The following ABCC6 variants were observed in gnomAD, a reference collection of about 807,000 sequenced individuals.
ABCC6 encodes ATP-binding cassette sub-family C member 6.
In ABCC6, 126 loss-of-function variants were observed where a neutral mutation model predicts 169.5. That is an observed-to-expected ratio of 0.74 (90% CI 0.64 to 0.86). ABCC6 has a LOEUF of 0.86. Ranked by LOEUF, ABCC6 falls within the 40% of genes least tolerant of loss-of-function variation. ABCC6 has a pLI of 0.00. For missense variants in ABCC6, 1,733 were observed against 1,927.2 expected, an observed-to-expected ratio of 0.90 and a Z score of 1.89; for synonymous variants, 752 against 814.7, an observed-to-expected ratio of 0.92 and a Z score of 1.31.
rs2239322 is a variant in ABCC6 at position 16,190,408 on chromosome 16, T to C, written c.1432-41A>G. On this transcript the variant is annotated intron_variant, in intron 11 of 30. Transcript: ENST00000205557. ...AAAAGAGAGATGAAGACAGGGACAGTTGAGAACTCTTCCCTGCACCCTGAC... is the reference window on the plus strand; with the variant it reads ...AAAAGAGAGATGAAGACAGGGACAGCTGAGAACTCTTCCCTGCACCCTGAC... 496,542 of 1,607,170 alleles carry C rather than the reference T, an allele frequency of 0.31. 82,622 individuals carry two copies. The highest frequency in any genetic ancestry group is 0.53 in the South Asian group (48,245 of 90,914).
intron 20 of ABCC6, 27 bp downstream of exon 20, chr16:16,175,884 C>T: frequency 6.2e-7 from 1 of 1,613,910 alleles, no homozygotes; most frequent in South Asian, 1.1e-5. Context: ...CTGTGCCCTT[C>T]TGAGTGTGGC....
Position 16,182,529 on chromosome 16 carries a change from A to G in ABCC6, c.2130T>C (p.Asn710=). Reference sequence around the variant, plus strand: ...GGTCCAGCTCCTGCCCGAAGCACACATTCTCTACCACAGAGGTGTTCTGCA... The same window carrying G: ...GGTCCAGCTCCTGCCCGAAGCACACGTTCTCTACCACAGAGGTGTTCTGCA... ...AWVQNTSVVE[N]VCFGQELDPP... The change falls in exon 17 of 31, where the codon AAT becomes AAC. Residue 710 remains asparagine (N), a synonymous_variant. Coordinates refer to ENST00000205557, the MANE Select transcript of ABCC6 (RefSeq NM_001171.6). 3.7e-6 allele frequency: 6 copies of G among 1,614,192 alleles called. No homozygotes were observed. The highest frequency in any genetic ancestry group is 5.1e-6 in the Non-Finnish European group (6 of 1,180,040).
At chr16:16,215,151 G>C (rs1474957932) in intron 4 of ABCC6, among the ~76,000 whole-genome samples, 1 of 152,178 alleles carries the variant, frequency 6.6e-6, no homozygotes, top group Non-Finnish European at 1.5e-5. Flanking sequence ...GCAGAGATGA[G>C]AGCTGGTTTT....
At chr16:16,156,778 A>G (rs1343914159) in intron 27 of ABCC6, among the ~76,000 whole-genome samples, 2 of 151,802 alleles carry the variant, frequency 1.3e-5, no homozygotes, top group Non-Finnish European at 2.9e-5. Context: ...CCCTGTCTCT[A>G]CTAAAAATAC....
chr16:16,176,987 G>GA (rs1555512011), intron 19 of ABCC6, among the ~76,000 whole-genome samples: 1 of 152,132 alleles, frequency 6.6e-6, no homozygotes, highest in Non-Finnish European at 1.5e-5. Flanking sequence ...CCAGCACACT[G>GA]TTTTTCTGGA....
chr16:16,175,674 A>G (rs1229962878), intron 20 of ABCC6, among the ~76,000 whole-genome samples: 4 of 152,166 alleles, frequency 2.6e-5, no homozygotes, highest in East Asian at 1.9e-4. Flanking sequence ...ACATCCATCA[A>G]TTGGAAGGCA....
At chr16:16,201,943 G>T in intron 9 of ABCC6, 58 bp downstream of exon 9, 2 of 1,604,288 alleles carry the variant, frequency 1.2e-6, no homozygotes, top group South Asian at 1.1e-5. Context: ...ATTACTGCCC[G>T]CTCAGTGATA....
intron 25 of ABCC6, among the ~76,000 whole-genome samples, chr16:16,159,956 A>G (rs894266569): frequency 2.6e-5 from 4 of 152,050 alleles, no homozygotes; most frequent in African/African-American, 9.7e-5. Context: ...CTGGGTGGCC[A>G]CCAATTTCCC....
At chr16:16,192,526 T>A (rs1229881522) in intron 11 of ABCC6, among the ~76,000 whole-genome samples, 5 of 152,170 alleles carry the variant, frequency 3.3e-5, no homozygotes, top group African/African-American at 1.2e-4. Flanking sequence ...TGCTGGGAAG[T>A]GTGACATTTT....
At chr16:16,150,347 T>A in intron 30 of ABCC6, 106 bp from the exon 31 acceptor site, 2 of 1,562,660 alleles carry the variant, frequency 1.3e-6, no homozygotes, top group African/African-American at 2.7e-5. Flanking sequence ...ATAGAAGTCC[T>A]GCTTTCCATG....
chr16:16,155,852 G>C (rs901359995), intron 27 of ABCC6: 2 of 152,376 alleles, frequency 1.3e-5, no homozygotes, highest in South Asian at 4.2e-4. Context: ...CCCATCATCC[G>C]GTCTAGGAAA....
In ABCC6 at chr16:16,221,933, C is replaced by T; in HGVS notation, c.37-102G>A. ...ACTTTTTGGATCTTTAACATTTACACAAAAATGTACCAAGTACTCTTTGGA... is the reference window on the plus strand; with the variant it reads ...ACTTTTTGGATCTTTAACATTTACATAAAAATGTACCAAGTACTCTTTGGA... On this transcript the variant is annotated intron_variant, in intron 1 of 30. Transcript: ENST00000205557. The T allele has an allele frequency of 3.8e-6, 6 of 1,586,386 alleles. No homozygotes were observed. The South Asian group carries it at 6.7e-5, about 18-fold the overall frequency.
rs200038324 is a variant in ABCC6 at position 16,174,759 on chromosome 16, A to ACC, written c.2666+1151_2666+1152insGG. Among the ~76,000 whole-genome samples, 315 of 84,496 alleles carry ACC rather than the reference A, an allele frequency of 3.7e-3. 7 individuals carry two copies. The highest frequency in any genetic ancestry group is 0.01 in the African/African-American group (296 of 28,402). 55.4% of individuals were successfully genotyped at this position (84,496 alleles called of 152,430 possible). A position where few individuals can be genotyped will look rare whatever the true frequency, so the allele number is the denominator to read the frequency against. On this transcript the variant is annotated intron_variant, in intron 20 of 30. Transcript: ENST00000205557. ...GCGACAGAGCAAGATTCTGTCTCAA[A>ACC]ACCCCCCCCCGCAAAAAACAAAAAA...
At chr16:16,177,741 G>A (rs1246734829) in intron 18 of ABCC6, 115 bp from the exon 19 acceptor site, 43 of 1,300,700 alleles carry the variant, frequency 3.3e-5, no homozygotes, top group Admixed American at 5.3e-5. Context: ...CCAGAAGTTC[G>A]AGACCAGCCT....
chr16:16,149,949 AGGTCCTTCCG>A lies in ABCC6; in HGVS notation c.*174_*183del, dbSNP rs2046341776. 2 of 887,990 alleles carry A rather than the reference AGGTCCTTCCG, an allele frequency of 2.3e-6. No homozygotes were observed. The highest frequency in any genetic ancestry group is 3.3e-5 in the African/African-American group (2 of 60,880). 55.0% of individuals were successfully genotyped at this position (887,990 alleles called of 1,614,324 possible). On this transcript the variant is annotated 3_prime_UTR_variant, in exon 31 of 31. Coordinates refer to ENST00000205557, the MANE Select transcript of ABCC6 (RefSeq NM_001171.6). ...TGCCCGGGCAGACCTGTGTATTGCT[AGGTCCTTCCG>A]GCTCTGATGCTCTGTGATAATTGGC...
At chr16:16,158,960 G>GCTATTACGTTA (rs1463456890) in intron 26 of ABCC6, among the ~76,000 whole-genome samples, 1 of 151,828 alleles carries the variant, frequency 6.6e-6, no homozygotes, top group African/African-American at 2.4e-5. Flanking sequence ...CTAAAATGTT[G>GCTATTACGTTA]CTATTACGTT....
In ABCC6 at chr16:16,169,702, T is replaced by C. The variant is rs755557398; in HGVS notation, c.2939A>G (p.Gln980Arg). 2 of 1,611,442 alleles carry C rather than the reference T, an allele frequency of 1.2e-6. No individual in the cohort carries two copies. Among genetic ancestry groups the C allele is most frequent in the African/African-American group, 2.7e-5 (2 of 74,894 alleles). Reference sequence around the variant, plus strand: ...GCCACGCAGGGCTGCCTGCGTCTGCTGCCCACCTACTGCAGGGTCGTCCGC... The same window carrying C: ...GCCACGCAGGGCTGCCTGCGTCTGCCGCCCACCTACTGCAGGGTCGTCCGC... ...LWADDPAVGGQQTQAALRGGI... is the reference protein window; with the variant it reads ...LWADDPAVGGRQTQAALRGGI... Residue 980 changes from glutamine to arginine, a missense_variant, in exon 22 of 31, where the codon CAG becomes CGG. Physicochemically the swap from Gln to Arg is conservative, Grantham distance 43 (BLOSUM62 1). Transcript: ENST00000205557.
intron 10 of ABCC6, among the ~76,000 whole-genome samples, chr16:16,197,650 AG>A (rs1284433065): frequency 1.0e-5 from 1 of 96,152 alleles, no homozygotes; most frequent in African/African-American, 4.1e-5. Flanking sequence ...CAGGAAGAGG[AG>A]GGGGTGCGTG....
At chr16:16,154,150 T>C (rs991257677) in intron 29 of ABCC6, among the ~76,000 whole-genome samples, 7 of 151,960 alleles carry the variant, frequency 4.6e-5, no homozygotes, top group African/African-American at 1.7e-4. Flanking sequence ...TCTTGCTATG[T>C]TGCCCAGACT....
Sources: gnomAD v4.1 joint callset for allele counts (sites outside exome capture counted in the v4.1 genomes callset) on GRCh38, gnomAD v4.1.1 for gene constraint, MANE v1.5 for transcripts, NCBI Gene and HGNC (gene_info 2026-07-23, HGNC 2026-07-21) for gene names.